FHIT: variants seen among roughly 807,000 people sequenced by gnomAD.
FHIT encodes fragile histidine triad diadenosine triphosphatase, also known as bis(5'-adenosyl)-triphosphatase.
In FHIT, 19 loss-of-function variants were observed where a neutral mutation model predicts 17.9. The ratio of observed to expected loss-of-function variants is 1.06; its 90% CI spans 0.74 to 1.56. The LOEUF (loss-of-function observed/expected upper bound fraction) is 1.56, where lower values mean the gene tolerates loss of function less well. Ranked by LOEUF, FHIT falls within the 40% of genes most tolerant of loss-of-function variation. FHIT has a pLI of 0.00. For synonymous variants in FHIT, 81 were observed against 69.7 expected, an observed-to-expected ratio of 1.16 and a Z score of -0.81; for missense variants, 248 against 189.2, an observed-to-expected ratio of 1.31 and a Z score of -1.82.
intron 3 of FHIT, among the ~76,000 whole-genome samples, chr3:60,863,126 A>T (rs1177390076): frequency 6.6e-6 from 1 of 152,172 alleles, no homozygotes; most frequent in Non-Finnish European, 1.5e-5. Flanking sequence ...ACAAGAAAGA[A>T]AAAGATAAGA....
chr3:60,296,944 G>C (rs1051978743), intron 5 of FHIT, among the ~76,000 whole-genome samples: 1 of 147,082 alleles, frequency 6.8e-6, no homozygotes, highest in African/African-American at 2.5e-5. Context: ...AAAAAGACCA[G>C]TGGGCATATT....
At chr3:60,166,207 G>A (rs1423259221) in intron 5 of FHIT, among the ~76,000 whole-genome samples, 1 of 151,036 alleles carries the variant, frequency 6.6e-6, no homozygotes, top group Non-Finnish European at 1.5e-5. Flanking sequence ...GGTTGTCAAA[G>A]CATGAGGTAA....
At chr3:61,049,247 T>C (rs2033935035) in intron 2 of FHIT, among the ~76,000 whole-genome samples, 1 of 151,326 alleles carries the variant, frequency 6.6e-6, no homozygotes. Context: ...TGTTACCAAA[T>C]AGAAGTTATT....
chr3:61,245,286 G>A (rs571589351), intron 1 of FHIT, among the ~76,000 whole-genome samples: 1 of 152,132 alleles, frequency 6.6e-6, no homozygotes, highest in Non-Finnish European at 1.5e-5. Context: ...AGAAATTATC[G>A]CCCCCATTTC....
chr3:61,195,307 T>G (rs2038824847), intron 2 of FHIT, among the ~76,000 whole-genome samples: 1 of 152,026 alleles, frequency 6.6e-6, no homozygotes, highest in Admixed American at 6.6e-5. Flanking sequence ...CCAGATGAAT[T>G]ATTACTGAAT....
chr3:60,035,365 T>C (rs1701172683), intron 5 of FHIT, among the ~76,000 whole-genome samples: 1 of 152,156 alleles, frequency 6.6e-6, no homozygotes, highest in African/African-American at 2.4e-5. Context: ...GCCTCCCGAG[T>C]AGCTGGGATT....
At chr3:60,345,963 A>C (rs542841807) in intron 5 of FHIT, among the ~76,000 whole-genome samples, 1 of 152,324 alleles carries the variant, frequency 6.6e-6, no homozygotes, top group South Asian at 2.1e-4. Context: ...CACTTCCACA[A>C]CTAAGGATAG....
intron 3 of FHIT, among the ~76,000 whole-genome samples, chr3:61,018,565 AAG>A (rs1281589312): frequency 6.6e-6 from 1 of 152,244 alleles, no homozygotes; most frequent in Admixed American, 6.5e-5. Context: ...AGATGCCCAC[AAG>A]TAACAGCCTG....
At chr3:60,881,112 T>C (rs1234632328) in intron 3 of FHIT, among the ~76,000 whole-genome samples, 1 of 152,100 alleles carries the variant, frequency 6.6e-6, no homozygotes, top group African/African-American at 2.4e-5. Context: ...AGATACTCCA[T>C]GCAAATAAAA....
At chr3:60,755,171 T>C (rs548099171) in intron 4 of FHIT, among the ~76,000 whole-genome samples, 1 of 152,316 alleles carries the variant, frequency 6.6e-6, no homozygotes, top group South Asian at 2.1e-4. Flanking sequence ...CTCCTCTCCC[T>C]GGAATCTACC....
chr3:60,309,606 A>C (rs1404978084), intron 5 of FHIT, among the ~76,000 whole-genome samples: 1 of 152,116 alleles, frequency 6.6e-6, no homozygotes, highest in African/African-American at 2.4e-5. Context: ...TAAACTCCAA[A>C]TTGAGGCTTT....
chr3:60,091,314 G>C (rs12636241), intron 5 of FHIT, among the ~76,000 whole-genome samples: 11,681 of 152,202 alleles, frequency 0.077, 1,419 homozygotes, highest in East Asian at 0.52. Context: ...TTATAAAGAG[G>C]AAGGGTCTTT....
chr3:61,017,984 C>A (rs905090934), intron 3 of FHIT, among the ~76,000 whole-genome samples: 6 of 151,962 alleles, frequency 3.9e-5, no homozygotes, highest in Non-Finnish European at 7.4e-5. Context: ...TACTGAAATT[C>A]AAAAATAGGA....
At position 60,455,556 on chromosome 3, in the gene FHIT, T is replaced by C. The variant is rs73098298; in HGVS notation, c.103+81304A>G. 3.0e-3 allele frequency among the ~76,000 whole-genome samples: 453 copies of C among 152,232 alleles called. 3 individuals are homozygous for C. The highest frequency in any genetic ancestry group is 6.8e-3 in the Middle Eastern group (2 of 294). ...CAGAGATAGGCACATAGTGGGTTGC[T>C]TGTTTATTTGCTTTAGTATGAATAA... On this transcript the variant is annotated intron_variant, in intron 5 of 9. Transcript: ENST00000492590.
chr3:60,183,246 A>AAATTAGCTAG (rs1378233164), intron 5 of FHIT, among the ~76,000 whole-genome samples: 1 of 151,950 alleles, frequency 6.6e-6, no homozygotes, highest in African/African-American at 2.4e-5. Flanking sequence ...AAAAATACAA[A>AAATTAGCTAG]AATTAGCTAG....
chr3:60,253,651 G>C (rs1705838782), intron 5 of FHIT, among the ~76,000 whole-genome samples: 1 of 152,092 alleles, frequency 6.6e-6, no homozygotes. Flanking sequence ...TCTAGACAAA[G>C]CCCACTGTCC....
At chr3:60,707,534 G>C (rs9882477) in intron 4 of FHIT, among the ~76,000 whole-genome samples, 16,495 of 152,108 alleles carry the variant, frequency 0.11, 1,912 homozygotes, top group African/African-American at 0.29. Context: ...CTCTAGAACT[G>C]TCTTCCAGGA....
intron 5 of FHIT, among the ~76,000 whole-genome samples, chr3:60,049,789 G>T (rs1222101084): frequency 1.3e-5 from 2 of 152,088 alleles, no homozygotes; most frequent in South Asian, 2.1e-4. Context: ...CCAGACAGGG[G>T]TGATCTAGGT....
intron 3 of FHIT, among the ~76,000 whole-genome samples, chr3:61,016,549 T>G (rs561555143): frequency 6.6e-6 from 1 of 152,288 alleles, no homozygotes; most frequent in Admixed American, 6.5e-5. Context: ...ATGACAACGG[T>G]CATTAATAGA....
Sources: gnomAD v4.1 joint callset for allele counts (sites outside exome capture counted in the v4.1 genomes callset) on GRCh38, gnomAD v4.1.1 for gene constraint, MANE v1.5 for transcripts, NCBI Gene and HGNC (gene_info 2026-07-23, HGNC 2026-07-21) for gene names.